The following FUT8 variants were observed in gnomAD, a reference collection of about 807,000 sequenced individuals.
FUT8 encodes the protein alpha-(1,6)-fucosyltransferase.
A neutral mutation model predicts 71.3 loss-of-function variants in FUT8; 29 were observed. The ratio of observed to expected loss-of-function variants is 0.41; its 90% CI spans 0.30 to 0.55. FUT8 has a LOEUF of 0.55. FUT8 is among the 20% of genes least tolerant of loss of function. FUT8 has a pLI of 0.34. For synonymous variants in FUT8, 254 were observed against 239.3 expected, an observed-to-expected ratio of 1.06 and a Z score of -0.57; for missense variants, 544 against 702.1, an observed-to-expected ratio of 0.77 and a Z score of 2.55.
At chr14:65,688,497 G>C (rs1893411074) in intron 7 of FUT8, among the ~76,000 whole-genome samples, 1 of 129,104 alleles carries the variant, frequency 7.7e-6, no homozygotes, top group Non-Finnish European at 1.5e-5. Context: ...GTTAGTTGGT[G>C]CTGGAACTGG....
At chr14:65,568,928 G>C (rs117012915) in intron 3 of FUT8, among the ~76,000 whole-genome samples, 1 of 151,422 alleles carries the variant, frequency 6.6e-6, no homozygotes, top group Non-Finnish European at 1.5e-5. Flanking sequence ...AGTATTTATA[G>C]TGCAGGTTTG....
chr14:65,526,502 T>A, intron 2 of FUT8, among the ~76,000 whole-genome samples: 1 of 152,230 alleles, frequency 6.6e-6, no homozygotes, highest in Non-Finnish European at 1.5e-5. Context: ...CTGATGGGTC[T>A]TGACTCTTTA....
At chr14:65,381,651 C>T in the FUT8 span, among the ~76,000 whole-genome samples, 13 of 152,256 alleles carry the variant, frequency 8.5e-5, no homozygotes, top group African/African-American at 2.4e-4. Context: ...GCTCACTCAA[C>T]TTTCCTCAAC....
At chr14:65,486,007 G>A (rs773241443) in intron 2 of FUT8, among the ~76,000 whole-genome samples, 6 of 152,062 alleles carry the variant, frequency 3.9e-5, no homozygotes, top group Non-Finnish European at 8.8e-5. Flanking sequence ...GACAAACCTG[G>A]TTGTTACTGC....
the FUT8 span, among the ~76,000 whole-genome samples, chr14:65,389,619 A>T: frequency 2.0e-5 from 3 of 151,790 alleles, no homozygotes; most frequent in Non-Finnish European, 4.4e-5. Context: ...AGCCCTGGCT[A>T]ATTTTTATAT....
rs67348217 is a variant in FUT8 at position 65,729,526 on chromosome 14, CT to C, written c.1260-3686del. On this transcript the variant is annotated intron_variant, in intron 9 of 10. Transcript: ENST00000673929. Reference sequence around the variant, plus strand: ...AAGTATTTAGATGCAAGGATATAAACTTTTTTTTTTTTTTTTTTTAAATACA... The same window carrying C: ...AAGTATTTAGATGCAAGGATATAAACTTTTTTTTTTTTTTTTTTAAATACA... Among the ~76,000 whole-genome samples the C allele has an allele frequency of 5.0e-3, 712 of 142,152 alleles. 3 individuals carry two copies. The highest frequency in any genetic ancestry group is 0.022 in the Middle Eastern group (6 of 270). 93.3% of individuals were successfully genotyped at this position (142,152 alleles called of 152,430 possible). A position where few individuals can be genotyped will look rare whatever the true frequency, so the allele number is the denominator to read the frequency against.
intron 10 of FUT8, among the ~76,000 whole-genome samples, chr14:65,741,712 T>C (rs980531794): frequency 6.6e-6 from 1 of 152,034 alleles, no homozygotes; most frequent in African/African-American, 2.4e-5. Context: ...TCAAATTCTT[T>C]AAGGGCACAA....
At chr14:65,648,466 G>A (rs1052590606) in intron 6 of FUT8, among the ~76,000 whole-genome samples, 3 of 152,050 alleles carry the variant, frequency 2.0e-5, no homozygotes, top group East Asian at 3.9e-4. Context: ...ATTTTTACTC[G>A]TTAGAGCAAC....
chr14:65,689,871 T>A (rs1314296460), intron 7 of FUT8, among the ~76,000 whole-genome samples: 2 of 152,254 alleles, frequency 1.3e-5, no homozygotes, highest in East Asian at 3.8e-4. Context: ...AAGTTTAACT[T>A]CTCAATTGTT....
chr14:65,573,804 A>C (rs1566829479), intron 3 of FUT8, among the ~76,000 whole-genome samples: 1 of 151,122 alleles, frequency 6.6e-6, no homozygotes, highest in Non-Finnish European at 1.5e-5. Context: ...TATTTATTTT[A>C]GGTTCATTAG....
At chr14:65,357,084 C>T in the FUT8 span, among the ~76,000 whole-genome samples, 1 of 152,252 alleles carries the variant, frequency 6.6e-6, no homozygotes, top group Non-Finnish European at 1.5e-5. Context: ...CCTTCACTTA[C>T]TAGGTGTGTG....
intron 2 of FUT8, among the ~76,000 whole-genome samples, chr14:65,492,466 G>A (rs2066495953): frequency 6.6e-6 from 1 of 152,164 alleles, no homozygotes; most frequent in African/African-American, 2.4e-5. Flanking sequence ...AGCTGTTTTT[G>A]TACGTCACTT....
chr14:65,600,178 T>G (rs1488035455), intron 3 of FUT8, among the ~76,000 whole-genome samples: 1 of 152,214 alleles, frequency 6.6e-6, no homozygotes, highest in Non-Finnish European at 1.5e-5. Context: ...ATGCAAAACC[T>G]GTTTGTAAAA....
intron 2 of FUT8, among the ~76,000 whole-genome samples, chr14:65,508,953 T>C (rs577727182): frequency 6.6e-6 from 1 of 152,338 alleles, no homozygotes; most frequent in South Asian, 2.1e-4. Context: ...CCAGTTTTGC[T>C]TTGGTTGCCT....
chr14:65,540,532 C>T (rs1229273585), intron 2 of FUT8, among the ~76,000 whole-genome samples: 1 of 152,180 alleles, frequency 6.6e-6, no homozygotes, highest in African/African-American at 2.4e-5. Flanking sequence ...GAAGAGAAAG[C>T]TAGAAGCTTG....
intron 7 of FUT8, among the ~76,000 whole-genome samples, chr14:65,715,974 C>T (rs868433709): frequency 7.9e-6 from 1 of 127,016 alleles, no homozygotes; most frequent in Admixed American, 7.6e-5. Flanking sequence ...GACCCTCTCT[C>T]AAAAAAAAAA....
intron 7 of FUT8, among the ~76,000 whole-genome samples, chr14:65,693,830 T>G (rs1383055856): frequency 6.6e-6 from 1 of 152,224 alleles, no homozygotes; most frequent in Non-Finnish European, 1.5e-5. Flanking sequence ...TGGTGCTTTC[T>G]CTTTTGGAAA....
chr14:65,731,951 G>A (rs1162878730), intron 9 of FUT8, among the ~76,000 whole-genome samples: 1 of 152,184 alleles, frequency 6.6e-6, no homozygotes. Flanking sequence ...TAAAACCTAT[G>A]CTGGTTTTAT....
intron 7 of FUT8, among the ~76,000 whole-genome samples, chr14:65,691,163 A>G (rs981636204): frequency 4.6e-5 from 7 of 151,284 alleles, no homozygotes; most frequent in African/African-American, 1.5e-4. Context: ...GATTTCCTAC[A>G]TAAATGACCA....
Sources: allele counts gnomAD v4.1 joint callset (sites outside exome capture counted in the v4.1 genomes callset), GRCh38; gene constraint gnomAD v4.1.1; transcripts MANE v1.5; gene names NCBI Gene and HGNC (gene_info 2026-07-23, HGNC 2026-07-21).